The following ZFAND4 variants were observed in gnomAD, a reference collection of about 807,000 sequenced individuals.
ZFAND4 encodes AN1-type zinc finger protein 4.
In ZFAND4, 43 loss-of-function variants were observed where a neutral mutation model predicts 64.4. The observed-to-expected ratio is 0.67, with a 90% CI of 0.52 to 0.86. The LOEUF is 0.86. Among genes scored for constraint, ZFAND4 ranks in the 40% least tolerant of loss-of-function variants. The probability of loss-of-function intolerance (pLI) is 0.00; values close to 1 mark genes in which losing one functional copy is unlikely to be tolerated. For synonymous variants in ZFAND4, 296 were observed against 305.7 expected (o/e 0.97, Z 0.33); for missense variants, 929 against 859.8 (o/e 1.08, Z -1.01).
At chr10:45,635,231 A>C (rs991062417) in intron 6 of ZFAND4, among the ~76,000 whole-genome samples, 1 of 149,114 alleles carries the variant, frequency 6.7e-6, no homozygotes, top group African/African-American at 2.4e-5. Flanking sequence ...AAAACAAACA[A>C]AAAAAAACTG....
intron 2 of ZFAND4, among the ~76,000 whole-genome samples, chr10:45,656,025 A>G (rs1240879280): frequency 6.6e-6 from 1 of 151,958 alleles, no homozygotes; most frequent in Admixed American, 6.6e-5. Flanking sequence ...AGGTCAGGAG[A>G]TCAAGACCAT....
rs191354001 is a variant in ZFAND4, at chr10:45,658,629, G to A, written c.184+4913C>T. ...TGTGTATAAACTAAAAAAAATGATC[G>A]AAGCTGTCTAATCGTATATATTGCT... On this transcript the variant is annotated intron_variant, in intron 2 of 9. Coordinates refer to ENST00000344646, the MANE Select transcript of ZFAND4 (RefSeq NM_174890.4). 4.0e-4 allele frequency among the ~76,000 whole-genome samples: 61 copies of A among 152,194 alleles called. 1 individual carries two copies. The East Asian group carries it at 8.3e-3, about 21-fold the overall frequency.
chr10:45,623,845 T>G (rs868844106), intron 8 of ZFAND4, among the ~76,000 whole-genome samples: 20 of 152,328 alleles, frequency 1.3e-4, no homozygotes, highest in African/African-American at 4.3e-4. Flanking sequence ...TTTATAACCT[T>G]GGGCCTTACA....
chr10:45,631,502 C>G (rs548296660), intron 6 of ZFAND4, among the ~76,000 whole-genome samples: 1 of 151,816 alleles, frequency 6.6e-6, no homozygotes, highest in South Asian at 2.1e-4. Flanking sequence ...CCTAATAAAA[C>G]CACTACATTT....
intron 8 of ZFAND4, among the ~76,000 whole-genome samples, chr10:45,622,176 C>G (rs2045478873): frequency 6.6e-6 from 1 of 152,178 alleles, no homozygotes; most frequent in Non-Finnish European, 1.5e-5. Context: ...AATGAGTAGA[C>G]AGTCCAGAAA....
Position 45,616,397 on chromosome 10 carries a change from T to C in ZFAND4, c.*39A>G. 1 of 1,604,996 alleles carries C rather than the reference T, an allele frequency of 6.2e-7. No homozygotes were observed. The highest frequency in any genetic ancestry group is 2.2e-5 in the East Asian group (1 of 44,784). Reference sequence around the variant, plus strand: ...AACAACATTTCTTCTGTCATTATAATACGAATCCCGGGCAGAACAGTAAGA... The same window carrying C: ...AACAACATTTCTTCTGTCATTATAACACGAATCCCGGGCAGAACAGTAAGA... On this transcript the variant is annotated 3_prime_UTR_variant, in exon 10 of 10. Coordinates refer to ENST00000344646, the MANE Select transcript of ZFAND4 (RefSeq NM_174890.4).
At position 45,639,965 on chromosome 10, in the gene ZFAND4, T is replaced by C. The variant is rs1201325273; in HGVS notation, c.570-2A>G. The C allele has an allele frequency of 6.3e-6, 10 of 1,599,460 alleles. No individual in the cohort carries two copies. The Admixed American group carries it at 1.2e-4, about 20-fold the overall frequency. On this transcript the variant is annotated splice_acceptor_variant, in intron 5 of 9. Coordinates refer to ENST00000344646, the MANE Select transcript of ZFAND4 (RefSeq NM_174890.4). LOFTEE classifies it high-confidence loss of function. ...TCTGAATTATACATAGAACCACCAC[T>C]GCAAAGAAAACAATAACTACTTGAA... is the stretch of plus-strand genomic sequence containing the variant.
At chr10:45,659,276 C>T (rs2048324244) in intron 2 of ZFAND4, among the ~76,000 whole-genome samples, 1 of 152,180 alleles carries the variant, frequency 6.6e-6, no homozygotes, top group African/African-American at 2.4e-5. Context: ...ACAGAATGTT[C>T]CCCCTCTTCC....
chr10:45,631,493 C>T (rs1023520085), intron 6 of ZFAND4, among the ~76,000 whole-genome samples: 3 of 151,298 alleles, frequency 2.0e-5, no homozygotes, highest in East Asian at 3.9e-4. Flanking sequence ...AAGATACATC[C>T]TAATAAAACC....
intron 2 of ZFAND4, among the ~76,000 whole-genome samples, chr10:45,660,456 G>C: frequency 6.6e-6 from 1 of 152,070 alleles, no homozygotes; most frequent in East Asian, 1.9e-4. Flanking sequence ...AATTTCAAAA[G>C]GTGCCACTAG....
intron 2 of ZFAND4, among the ~76,000 whole-genome samples, chr10:45,659,475 C>T (rs533264758): frequency 6.6e-6 from 1 of 152,312 alleles, no homozygotes; most frequent in African/African-American, 2.4e-5. Context: ...ACATTAAACA[C>T]AGCCCAATTT....
At chr10:45,634,637 A>G in intron 6 of ZFAND4, among the ~76,000 whole-genome samples, 1 of 152,194 alleles carries the variant, frequency 6.6e-6, no homozygotes, top group East Asian at 1.9e-4. Context: ...AAGAAGTACT[A>G]GTACTAGAAG....
chr10:45,658,337 G>A (rs995788082), intron 2 of ZFAND4, among the ~76,000 whole-genome samples: 9 of 152,250 alleles, frequency 5.9e-5, no homozygotes, highest in African/African-American at 2.2e-4. Flanking sequence ...AAACCCCCAG[G>A]AGCTGGGTGA....
Position 45,618,212 on chromosome 10 carries a change from G to T in ZFAND4, c.1976C>A (p.Thr659Lys), listed in dbSNP as rs780249460. 6.2e-7 allele frequency: 1 copy of T among 1,613,496 alleles called. No individual in the cohort carries two copies. The highest frequency in any genetic ancestry group is 2.2e-5 in the East Asian group (1 of 44,828). ...HLPPVKAPLQTKKKTTNHCFL... is the reference protein window; with the variant it reads ...HLPPVKAPLQKKKKTTNHCFL... ...ACAATGATTTGTTGTTTTCTTCTTTGTCTGAAGAGGGGCTTTCACAGGTGG... is the reference window on the plus strand; with the variant it reads ...ACAATGATTTGTTGTTTTCTTCTTTTTCTGAAGAGGGGCTTTCACAGGTGG... Residue 659 changes from threonine (T) to lysine (K), a missense_variant, in exon 9 of 10, where the codon ACA becomes AAA. Thr to Lys is a moderately conservative substitution (Grantham distance 78, BLOSUM62 -1). Coordinates refer to ENST00000344646, the MANE Select transcript of ZFAND4 (RefSeq NM_174890.4).
At chr10:45,653,825 C>A (rs1032678007) in intron 2 of ZFAND4, among the ~76,000 whole-genome samples, 1 of 152,026 alleles carries the variant, frequency 6.6e-6, no homozygotes, top group African/African-American at 2.4e-5. Flanking sequence ...GGGTATATAC[C>A]CAGAGAAAAA....
chr10:45,669,853 A>G (rs2049064518), intron 1 of ZFAND4, among the ~76,000 whole-genome samples: 1 of 152,252 alleles, frequency 6.6e-6, no homozygotes, highest in Non-Finnish European at 1.5e-5. Context: ...AAAACTCTTA[A>G]TAAACTAGGT....
chr10:45,628,896 CAAAAAAAA>C (rs74412113), intron 6 of ZFAND4, among the ~76,000 whole-genome samples: 1 of 45,470 alleles, frequency 2.2e-5, no homozygotes, highest in Non-Finnish European at 4.9e-5. Flanking sequence ...GGAGCTTCAC[CAAAAAAAA>C]AAAAAAAAAA....
At chr10:45,668,538 G>C (rs2048979292) in intron 1 of ZFAND4, among the ~76,000 whole-genome samples, 1 of 152,136 alleles carries the variant, frequency 6.6e-6, no homozygotes, top group South Asian at 2.1e-4. Context: ...AACAATATTA[G>C]CCTTACATGT....
At chr10:45,622,616 C>G (rs2045512292) in intron 8 of ZFAND4, among the ~76,000 whole-genome samples, 2 of 152,196 alleles carry the variant, frequency 1.3e-5, no homozygotes, top group Admixed American at 6.5e-5. Flanking sequence ...TGTGGATCTT[C>G]AGATAAATTC....
Sources: gnomAD v4.1 joint callset for allele counts (sites outside exome capture counted in the v4.1 genomes callset) on GRCh38, gnomAD v4.1.1 for gene constraint, MANE v1.5 for transcripts, NCBI Gene and HGNC (gene_info 2026-07-23, HGNC 2026-07-21) for gene names.